Variants in PIERCE1 observed in about 807,000 individuals in gnomAD.
PIERCE1 encodes the protein piercer of microtubule wall 1 protein.
chr9:135,495,240 A>G, the PIERCE1 span: 4 of 584,258 alleles, frequency 6.8e-6, no homozygotes, highest in African/African-American at 5.6e-5. Flanking sequence ...CCATGTACTT[A>G]TTAGATGTGA....
chr9:135,496,314 T>C, the PIERCE1 span, among the ~76,000 whole-genome samples: 1 of 152,268 alleles, frequency 6.6e-6, no homozygotes, highest in East Asian at 1.9e-4. Context: ...CAAAACTCCA[T>C]TGAGAAGGGG....
chr9:135,498,852 C>A, the PIERCE1 span: 2 of 598,000 alleles, frequency 3.3e-6, no homozygotes, highest in South Asian at 1.9e-5. This position sits in a 1 kb window ranked among gnomAD's most constrained non-coding sequence, Gnocchi z 4.1. Context: ...AATGGCCCGG[C>A]CTCCCCGGCC....
the PIERCE1 span, chr9:135,499,747 C>G: frequency 1.9e-6 from 3 of 1,607,408 alleles, no homozygotes; most frequent in African/African-American, 4.0e-5. Context: ...TGAACCTGCC[C>G]GGCAGGTCCG....
At chr9:135,498,552 T>C in the PIERCE1 span, 1 of 1,603,406 alleles carries the variant, frequency 6.2e-7, no homozygotes, top group Non-Finnish European at 8.5e-7. The surrounding 1 kb of genome is among the most constrained non-coding windows in gnomAD (Gnocchi z 4.1). Context: ...ACCCACCCCC[T>C]GCCCCCCATG....
the PIERCE1 span, chr9:135,495,334 G>T: frequency 8.5e-7 from 1 of 1,182,452 alleles, no homozygotes; most frequent in Non-Finnish European, 1.2e-6. Flanking sequence ...CGCAGTCTGT[G>T]CCGTCACAAT....
At chr9:135,499,258 C>A in the PIERCE1 span, among the ~76,000 whole-genome samples, 3 of 152,354 alleles carry the variant, frequency 2.0e-5, no homozygotes, top group African/African-American at 7.2e-5. Flanking sequence ...GTTGAGGGAC[C>A]AAATGTGTGA....
the PIERCE1 span, among the ~76,000 whole-genome samples, chr9:135,497,329 A>AT: frequency 1.1e-4 from 16 of 151,252 alleles, no homozygotes; most frequent in African/African-American, 3.4e-4. Context: ...CAATAGGAAC[A>AT]TTTTTTCATG....
chr9:135,498,618 G>C, the PIERCE1 span: 6 of 1,613,890 alleles, frequency 3.7e-6, no homozygotes, highest in Non-Finnish European at 5.1e-6. The surrounding 1 kb of genome is among the most constrained non-coding windows in gnomAD (Gnocchi z 4.1). Context: ...CTCTGCTCCC[G>C]TAAGCCTGGT....
chr9:135,495,637 G>A, the PIERCE1 span: 664,661 of 1,571,628 alleles, frequency 0.42, 146,146 homozygotes, highest in East Asian at 0.83. Flanking sequence ...AAAGGAACAC[G>A]GATTAATGAC....
At chr9:135,496,013 T>A in the PIERCE1 span, among the ~76,000 whole-genome samples, 2 of 152,206 alleles carry the variant, frequency 1.3e-5, no homozygotes, top group African/African-American at 2.4e-5. Context: ...TCCATGTCAG[T>A]GGGTTTCAAC....
At chr9:135,499,555 C>T in the PIERCE1 span, 1 of 1,055,452 alleles carries the variant, frequency 9.5e-7, no homozygotes, top group Non-Finnish European at 1.4e-6. Flanking sequence ...AGCACGGTCG[C>T]CGCTCACTGG....
chr9:135,495,358 G>A, the PIERCE1 span: 1 of 1,406,730 alleles, frequency 7.1e-7, no homozygotes, highest in Non-Finnish European at 9.8e-7. Flanking sequence ...GCGACTGTGG[G>A]TGATGAGGGA....
At chr9:135,495,394 G>T in the PIERCE1 span, 1 of 1,588,280 alleles carries the variant, frequency 6.3e-7, no homozygotes, top group Non-Finnish European at 8.6e-7. Context: ...AGGCCCTGGG[G>T]TCAGAGGACT....
At chr9:135,498,477 G>T in the PIERCE1 span, 2 of 887,078 alleles carry the variant, frequency 2.3e-6, no homozygotes, top group Non-Finnish European at 3.5e-6. The surrounding 1 kb of genome is among the most constrained non-coding windows in gnomAD (Gnocchi z 4.1). Context: ...CTCCCTGGGT[G>T]CACCCCTCCC....
the PIERCE1 span, chr9:135,499,439 T>A: frequency 1.5e-6 from 1 of 684,728 alleles, no homozygotes; most frequent in Admixed American, 2.0e-5. Flanking sequence ...GAGAGGAGAC[T>A]CACCCGACAC....
At chr9:135,498,654 C>T in the PIERCE1 span, 29 of 1,613,982 alleles carry the variant, frequency 1.8e-5, no homozygotes, top group Non-Finnish European at 2.5e-5. The surrounding 1 kb of genome is among the most constrained non-coding windows in gnomAD (Gnocchi z 4.1). Flanking sequence ...CGGAGACAGC[C>T]TTCTGGGTCC....
At chr9:135,496,636 CT>C in the PIERCE1 span, among the ~76,000 whole-genome samples, 1 of 152,196 alleles carries the variant, frequency 6.6e-6, no homozygotes, top group Non-Finnish European at 1.5e-5. Context: ...ACAGTTCCCC[CT>C]GTCCTTAGCA....
the PIERCE1 span, chr9:135,499,635 G>T: frequency 6.5e-7 from 1 of 1,542,568 alleles, no homozygotes; most frequent in Non-Finnish European, 8.8e-7. Context: ...GACCTTGGGG[G>T]TCTTGCGGGG....
At chr9:135,499,757 G>C in the PIERCE1 span, 3 of 1,607,242 alleles carry the variant, frequency 1.9e-6, no homozygotes, top group Non-Finnish European at 2.5e-6. Flanking sequence ...CGGCAGGTCC[G>C]CGCTCACGCG....
Sources: allele counts gnomAD v4.1 joint callset (sites outside exome capture counted in the v4.1 genomes callset), GRCh38; gene constraint gnomAD v4.1.1; non-coding constraint Gnocchi (gnomAD v3.1); transcripts MANE v1.5; gene names NCBI Gene and HGNC (gene_info 2026-07-23, HGNC 2026-07-21).